Variants in RTL4 observed in about 807,000 individuals in gnomAD.
RTL4 encodes retrotransposon Gag like 4.
RTL4 carries 4 observed loss-of-function variants against 5.3 expected under a neutral mutation model. That is an observed-to-expected ratio of 0.75 (90% confidence interval 0.37 to 1.72). The LOEUF is 1.72. Among genes scored for constraint, RTL4 ranks in the 40% most tolerant of loss-of-function variants. The pLI is 0.04. For missense variants in RTL4, 260 were observed against 227.1 expected (o/e 1.14, Z -0.93); for synonymous variants, 98 against 87.3 (o/e 1.12, Z -0.68).
the RTL4 span, among the ~76,000 whole-genome samples, chrX:112,095,284 G>A: frequency 1.8e-5 from 2 of 110,409 alleles, no homozygotes; most frequent in African/African-American, 3.3e-5. Flanking sequence ...ATTGAGGGAG[G>A]GTTCAAGGTG....
At chrX:112,363,049 T>C in the RTL4 span, among the ~76,000 whole-genome samples, 1,652 of 110,645 alleles carry the variant, frequency 0.015, 34 homozygotes, top group African/African-American at 0.052. Flanking sequence ...TCTCTTCCCA[T>C]GGAGGAGTCA....
At chrX:112,168,358 C>T in the RTL4 span, among the ~76,000 whole-genome samples, 2 of 112,101 alleles carry the variant, frequency 1.8e-5, no homozygotes, top group African/African-American at 6.5e-5. Context: ...TCTTCAACAA[C>T]ATTGTTTCCC....
At chrX:112,125,780 T>C in the RTL4 span, among the ~76,000 whole-genome samples, 1 of 111,684 alleles carries the variant, frequency 9.0e-6, no homozygotes, top group African/African-American at 3.3e-5. Context: ...AAACTGTGTA[T>C]AAAATGCTGT....
chrX:112,291,568 A>T, the RTL4 span, among the ~76,000 whole-genome samples: 1 of 109,763 alleles, frequency 9.1e-6, no homozygotes, highest in South Asian at 3.9e-4. Context: ...AACACCATCT[A>T]CCCCTACGTA....
At chrX:112,246,150 T>A in the RTL4 span, among the ~76,000 whole-genome samples, 118 of 112,202 alleles carry the variant, frequency 1.1e-3, no homozygotes, top group African/African-American at 3.8e-3. Flanking sequence ...GGGAGGTGTC[T>A]CCCAGTTAGG....
chrX:112,317,355 T>A, the RTL4 span, among the ~76,000 whole-genome samples: 19 of 111,854 alleles, frequency 1.7e-4, no homozygotes, highest in Non-Finnish European at 3.2e-4. Flanking sequence ...TTAATACTAC[T>A]CTTTTCCGTT....
the RTL4 span, among the ~76,000 whole-genome samples, chrX:112,447,781 A>G: frequency 8.9e-6 from 1 of 111,932 alleles, no homozygotes; most frequent in South Asian, 3.7e-4. Flanking sequence ...ATACTCTATA[A>G]TGCCTGTATT....
At chrX:112,423,017 A>C in the RTL4 span, among the ~76,000 whole-genome samples, 1 of 110,259 alleles carries the variant, frequency 9.1e-6, no homozygotes, top group Non-Finnish European at 1.9e-5. Context: ...TTTGTCCCAC[A>C]TTGCTGGGTG....
the RTL4 span, among the ~76,000 whole-genome samples, chrX:112,087,994 C>T: frequency 1.8e-5 from 2 of 109,338 alleles, no homozygotes; most frequent in African/African-American, 6.7e-5. Flanking sequence ...AGTTCCAAAA[C>T]ATTTTCTTTT....
chrX:112,106,776 C>T, the RTL4 span, among the ~76,000 whole-genome samples: 1 of 111,820 alleles, frequency 8.9e-6, no homozygotes, highest in South Asian at 3.7e-4. Context: ...ATCTTGAGCA[C>T]TTTAAAAATA....
At chrX:112,434,128 A>G in the RTL4 span, among the ~76,000 whole-genome samples, 10 of 104,530 alleles carry the variant, frequency 9.6e-5, no homozygotes, top group Admixed American at 3.1e-4. Flanking sequence ...TGCTGGATTC[A>G]GTTTGCCAGT....
At chrX:112,295,030 A>G in the RTL4 span, among the ~76,000 whole-genome samples, 1 of 112,254 alleles carries the variant, frequency 8.9e-6, no homozygotes, top group Admixed American at 9.4e-5. Context: ...TTTAAAACAC[A>G]ATTTCTTTTT....
At chrX:112,426,809 T>C in the RTL4 span, among the ~76,000 whole-genome samples, 2 of 111,230 alleles carry the variant, frequency 1.8e-5, no homozygotes, top group African/African-American at 6.5e-5. Flanking sequence ...TTATATTAGG[T>C]AGGGCTTTCA....
At chrX:112,194,016 G>A in the RTL4 span, among the ~76,000 whole-genome samples, 6 of 111,496 alleles carry the variant, frequency 5.4e-5, no homozygotes, top group South Asian at 1.9e-3. Flanking sequence ...ATAAAATCAA[G>A]CTCTTGAACA....
the RTL4 span, among the ~76,000 whole-genome samples, chrX:112,445,533 G>A: frequency 4.5e-5 from 5 of 111,733 alleles, no homozygotes; most frequent in African/African-American, 1.6e-4. Flanking sequence ...ACTTGGCCAA[G>A]TTCTTATGGA....
At chrX:112,410,137 G>A in the RTL4 span, among the ~76,000 whole-genome samples, 1 of 111,986 alleles carries the variant, frequency 8.9e-6, no homozygotes. Context: ...AGACAAGGAA[G>A]TTTATATAGT....
the RTL4 span, among the ~76,000 whole-genome samples, chrX:112,415,752 G>T: frequency 9.0e-6 from 1 of 111,271 alleles, no homozygotes; most frequent in Non-Finnish European, 1.9e-5. Flanking sequence ...GGGATAACTG[G>T]TATTATTTCT....
the RTL4 span, among the ~76,000 whole-genome samples, chrX:112,281,505 C>A: frequency 9.0e-6 from 1 of 111,123 alleles, no homozygotes; most frequent in East Asian, 2.8e-4. Flanking sequence ...GACATATACC[C>A]AGTAGTGGGA....
the RTL4 span, among the ~76,000 whole-genome samples, chrX:112,285,029 A>G: frequency 2.7e-5 from 3 of 112,053 alleles, no homozygotes; most frequent in Non-Finnish European, 5.6e-5. Flanking sequence ...AATGACCAAT[A>G]TTAATGCTTT....
Sources: allele counts gnomAD v4.1 joint callset (sites outside exome capture counted in the v4.1 genomes callset), GRCh38; gene constraint gnomAD v4.1.1; transcripts MANE v1.5; gene names NCBI Gene and HGNC (gene_info 2026-07-23, HGNC 2026-07-21).